TERB1: variants seen among roughly 807,000 people sequenced by gnomAD.
TERB1 encodes telomere repeat binding bouquet formation protein 1, also known as telomere repeats-binding bouquet formation protein 1.
In TERB1, 63 loss-of-function variants were observed where a neutral mutation model predicts 92.3. The ratio of observed to expected loss-of-function variants is 0.68; its 90% CI spans 0.56 to 0.84. The LOEUF (loss-of-function observed/expected upper bound fraction) is 0.84. TERB1 is among the 40% of genes least tolerant of loss of function. The pLI is 0.00. For missense variants in TERB1, 709 were observed against 843.7 expected, an observed-to-expected ratio of 0.84 and a Z score of 1.98; for synonymous variants, 252 against 283.9, an observed-to-expected ratio of 0.89 and a Z score of 1.13.
At chr16:66,763,185 G>A (rs988376691) in intron 16 of TERB1, among the ~76,000 whole-genome samples, 2 of 147,216 alleles carry the variant, frequency 1.4e-5, no homozygotes, top group Admixed American at 6.8e-5. Context: ...TGCTCAGGCT[G>A]GACTTGCACT....
At chr16:66,797,234 CTTTTT>C (rs570658663) in intron 2 of TERB1, among the ~76,000 whole-genome samples, 2 of 137,858 alleles carry the variant, frequency 1.5e-5, no homozygotes, top group Admixed American at 7.3e-5. Context: ...CATTTCCTTC[CTTTTT>C]TTTTTTTTTT....
At chr16:66,787,917 T>C (rs1210682757) in intron 6 of TERB1, among the ~76,000 whole-genome samples, 1 of 151,980 alleles carries the variant, frequency 6.6e-6, no homozygotes, top group Admixed American at 6.6e-5. Flanking sequence ...CAAAAATTAG[T>C]TGGGCATGAT....
chr16:66,766,907 A>G (rs1228522813), intron 16 of TERB1, among the ~76,000 whole-genome samples: 3 of 152,088 alleles, frequency 2.0e-5, no homozygotes, highest in Admixed American at 1.3e-4. Context: ...TTGGCCTTCC[A>G]AAGTGTTGAG....
At position 66,754,778 on chromosome 16, in the gene TERB1, A is replaced by C. The variant is rs2018109067; in HGVS notation, c.*198T>G. The stretch of plus-strand genomic sequence containing the variant: ...GATCTTATGAAGGAATTTTCTTACT[A>C]ATCTGTACACTGATGATATATTTGC... On this transcript the variant is annotated 3_prime_UTR_variant, in exon 19 of 19. Coordinates refer to ENST00000433154, the MANE Select transcript of TERB1 (RefSeq NM_001136505.2). 1 of 524,798 alleles carries C rather than the reference A, an allele frequency of 1.9e-6. No homozygotes were observed. The highest frequency in any genetic ancestry group is 3.3e-6 in the Non-Finnish European group (1 of 303,944). The allele number at this position is 524,798 out of a possible 1,614,324, so 32.5% of individuals were successfully genotyped here.
chr16:66,785,529 T>C (rs1157824040), intron 9 of TERB1, among the ~76,000 whole-genome samples: 1 of 152,190 alleles, frequency 6.6e-6, no homozygotes, highest in African/African-American at 2.4e-5. Context: ...CTCTATGGGT[T>C]TTTAGTCTTG....
chr16:66,793,215 T>G (rs1033359933), intron 3 of TERB1, among the ~76,000 whole-genome samples: 5 of 139,070 alleles, frequency 3.6e-5, no homozygotes, highest in Admixed American at 3.6e-4. Flanking sequence ...GGTTTGGTTT[T>G]TTTTTTTTTT....
At chr16:66,799,904 T>C (rs1475529020) in intron 2 of TERB1, 1 of 152,190 alleles carries the variant, frequency 6.6e-6, no homozygotes, top group Non-Finnish European at 1.5e-5. Flanking sequence ...TTTACTGTAT[T>C]CTCACAGGAA....
chr16:66,769,891 G>GT (rs1250085942), intron 14 of TERB1, 72 bp downstream of exon 14: 2 of 1,000,322 alleles, frequency 2.0e-6, no homozygotes, highest in Non-Finnish European at 3.0e-6. Context: ...ATATTTAACA[G>GT]TGTGGCATAC....
At chr16:66,758,425 G>A (rs566493747) in intron 18 of TERB1, 98 of 196,316 alleles carry the variant, frequency 5.0e-4, no homozygotes, top group African/African-American at 2.2e-3. Context: ...AGAAATATAT[G>A]AAATTTAAGT....
chr16:66,757,779 G>A (rs2018161137), intron 18 of TERB1, among the ~76,000 whole-genome samples: 1 of 152,088 alleles, frequency 6.6e-6, no homozygotes, highest in South Asian at 2.1e-4. Context: ...TTAGTCTGCA[G>A]GTATTAACTC....
rs77576488 is a variant in TERB1 at position 66,763,734 on chromosome 16, T to C, written c.1780+3681A>G. Reference sequence around the variant, plus strand: ...TGCACACGTATCCCTGAACTTAAAATAAAAGTTGGAAAAACATTTTTTAAA... The same window carrying C: ...TGCACACGTATCCCTGAACTTAAAACAAAAGTTGGAAAAACATTTTTTAAA... On this transcript the variant is annotated intron_variant, in intron 16 of 18. Coordinates refer to ENST00000433154, the MANE Select transcript of TERB1 (RefSeq NM_001136505.2). 1.0e-3 allele frequency among the ~76,000 whole-genome samples: 152 copies of C among 152,260 alleles called. No individual in the cohort carries two copies. In the East Asian group the frequency reaches 0.025, roughly 25 times the overall value.
At chr16:66,759,423 CAT>C in intron 16 of TERB1, 133 bp from the exon 17 acceptor site, 1 of 662,042 alleles carries the variant, frequency 1.5e-6, no homozygotes, top group Non-Finnish European at 2.5e-6. Flanking sequence ...AGCTCAAAAT[CAT>C]ATGAGGGAGT....
chr16:66,801,293 T>A (rs991011351), intron 1 of TERB1, among the ~76,000 whole-genome samples, 175 bp downstream of exon 1: 1 of 152,170 alleles, frequency 6.6e-6, no homozygotes, highest in African/African-American at 2.4e-5. Flanking sequence ...AAATGGTGCA[T>A]CACGTGATGA....
intron 3 of TERB1, among the ~76,000 whole-genome samples, chr16:66,794,914 A>ACACACAC (rs1316374992): frequency 0.025 from 2,058 of 82,808 alleles, 36 homozygotes; most frequent in African/African-American, 0.043. Context: ...CGTCTCAAAA[A>ACACACAC]AAAAAAAAAC....
chr16:66,776,772 A>C (rs922003316), intron 11 of TERB1, among the ~76,000 whole-genome samples: 1 of 152,190 alleles, frequency 6.6e-6, no homozygotes, highest in Admixed American at 6.5e-5. Context: ...AGTAATAGGT[A>C]GAAAAAGAAA....
intron 14 of TERB1, among the ~76,000 whole-genome samples, chr16:66,769,443 C>T (rs1195239443): frequency 6.6e-6 from 1 of 152,198 alleles, no homozygotes; most frequent in Admixed American, 6.5e-5. Flanking sequence ...AGAAAAGCTA[C>T]AATCCCAGGT....
Position 66,770,166 on chromosome 16 carries a change from T to C in TERB1, c.1416A>G (p.Leu472=). ...TGACTCCATGGGACTTATAACTCTGTAACTGTCTAGAATGGCTTTTATCCT... is the reference window on the plus strand; with the variant it reads ...TGACTCCATGGGACTTATAACTCTGCAACTGTCTAGAATGGCTTTTATCCT... ...EDEDKSHSRQ[L]QSYKSHGVMS... The change falls in exon 14 of 19, where the codon TTA becomes TTG. Residue 472 remains leucine, a synonymous_variant. Coordinates refer to ENST00000433154, the MANE Select transcript of TERB1 (RefSeq NM_001136505.2). The C allele has an allele frequency of 6.4e-7, 1 of 1,552,368 alleles. No homozygotes were observed. Among genetic ancestry groups the C allele is most frequent in the Non-Finnish European group, 8.7e-7 (1 of 1,147,140 alleles).
intron 3 of TERB1, among the ~76,000 whole-genome samples, chr16:66,791,887 T>C (rs2018841151): frequency 6.6e-6 from 1 of 152,322 alleles, no homozygotes; most frequent in Admixed American, 6.5e-5. Context: ...ATATAAATTC[T>C]ACTCAATTTT....
chr16:66,797,624 C>CACACAG (rs1491271589), intron 2 of TERB1, among the ~76,000 whole-genome samples: 2 of 24,220 alleles, frequency 8.3e-5, no homozygotes, highest in Non-Finnish European at 1.4e-4. Flanking sequence ...AAAAACACAC[C>CACACAG]ACACACACAC....
Sources: allele counts gnomAD v4.1 joint callset (sites outside exome capture counted in the v4.1 genomes callset), GRCh38; gene constraint gnomAD v4.1.1; transcripts MANE v1.5; gene names NCBI Gene and HGNC (gene_info 2026-07-23, HGNC 2026-07-21).